Variants in PDE4A observed in about 807,000 individuals in gnomAD.
The protein encoded by PDE4A is phosphodiesterase 4A, also known as 3',5'-cyclic-AMP phosphodiesterase 4A.
Under a neutral mutation model 73.9 loss-of-function variants are expected in PDE4A, and 21 were observed. The observed-to-expected ratio is 0.28, with a 90% confidence interval of 0.20 to 0.41. PDE4A has a LOEUF of 0.41. Ranked by LOEUF, PDE4A falls within the 10% of genes least tolerant of loss-of-function variation. The pLI is 1.00. For synonymous variants in PDE4A, 463 were observed against 505.4 expected (o/e 0.92, Z 1.13); for missense variants, 958 against 1,211.4 (o/e 0.79, Z 3.10).
Position 10,442,153 on chromosome 19 carries a change from AC to A in PDE4A, c.321-4059del, listed in dbSNP as rs199793682. Among the ~76,000 whole-genome samples, 780 of 151,532 alleles carry A rather than the reference AC, an allele frequency of 5.1e-3. 15 individuals carry two copies. Among genetic ancestry groups the A allele is most frequent in the East Asian group, 0.032 (163 of 5,152 alleles). On this transcript the variant is annotated intron_variant, in intron 1 of 14. Transcript: ENST00000380702. ...AAGTGGAGAGGGAGAGAGGATAGGA[AC>A]CCCCCGCTTCCCCTTTCTAGGTCAG...
At chr19:10,448,468 C>G (rs561009215) in intron 2 of PDE4A, among the ~76,000 whole-genome samples, 1 of 151,908 alleles carries the variant, frequency 6.6e-6, no homozygotes, top group Non-Finnish European at 1.5e-5. Flanking sequence ...GAAACCCAGT[C>G]TCTACTAAAA....
chr19:10,466,473 G>GTGTA (rs1421670879), intron 14 of PDE4A, among the ~76,000 whole-genome samples: 1 of 144,310 alleles, frequency 6.9e-6, no homozygotes, highest in Non-Finnish European at 1.5e-5. Flanking sequence ...GTGTGTGTGT[G>GTGTA]TGTAAACTGC....
At chr19:10,454,768 A>C in intron 6 of PDE4A, 61 bp from the exon 7 acceptor site, 1 of 1,609,722 alleles carries the variant, frequency 6.2e-7, no homozygotes, top group Admixed American at 1.7e-5. Context: ...GGAAGGACTG[A>C]CACCCTCCTC....
At chr19:10,435,553 C>G (rs1178841346) in intron 1 of PDE4A, among the ~76,000 whole-genome samples, 1 of 146,572 alleles carries the variant, frequency 6.8e-6, no homozygotes, top group Non-Finnish European at 1.5e-5. Context: ...AGAGCAAGAC[C>G]CTGTATCAAC....
chr19:10,443,604 C>T (rs981362339), intron 1 of PDE4A, among the ~76,000 whole-genome samples: 2 of 150,986 alleles, frequency 1.3e-5, no homozygotes, highest in Non-Finnish European at 2.9e-5. Flanking sequence ...GTCCCACCTA[C>T]TTGGGAGGTG....
Position 10,468,103 on chromosome 19 carries a change from G to A in PDE4A, c.*482G>A, listed in dbSNP as rs898271981. On this transcript the variant is annotated 3_prime_UTR_variant, in exon 15 of 15. Coordinates refer to ENST00000380702, the MANE Select transcript of PDE4A (RefSeq NM_001111307.2). ...CTTCTGGGCTTTTCTTCTGAATTTA[G>A]AGGATTTCTAGAACGTGGTCAGGAA... 1.3e-5 allele frequency: 2 copies of A among 152,842 alleles called. No homozygotes were observed. Among genetic ancestry groups the A allele is most frequent in the African/African-American group, 4.8e-5 (2 of 41,414 alleles). The allele number at this position is 152,842 out of a possible 1,614,324, so 9.5% of individuals were successfully genotyped here. A position where few individuals can be genotyped will look rare whatever the true frequency, so the allele number is the denominator to read the frequency against.
chr19:10,450,734 C>G (rs1320743818), intron 5 of PDE4A, 82 bp downstream of exon 5: 1 of 1,584,608 alleles, frequency 6.3e-7, no homozygotes, highest in Non-Finnish European at 8.6e-7. Context: ...ACCCAGCAGT[C>G]CACTCACCTG....
chr19:10,421,289 G>C, intron 1 of PDE4A: 1 of 985,434 alleles, frequency 1.0e-6, no homozygotes, highest in Non-Finnish European at 1.2e-6. Flanking sequence ...CCCATCCTGG[G>C]GTCCATTTAG....
chr19:10,444,538 G>A (rs901052763), intron 1 of PDE4A, among the ~76,000 whole-genome samples: 2 of 152,036 alleles, frequency 1.3e-5, no homozygotes, highest in Non-Finnish European at 2.9e-5. Context: ...ATTTTAGCTG[G>A]GTTGGTCAGG....
At chr19:10,436,706 G>T (rs2042869434) in intron 1 of PDE4A, among the ~76,000 whole-genome samples, 1 of 152,168 alleles carries the variant, frequency 6.6e-6, no homozygotes, top group Non-Finnish European at 1.5e-5. Context: ...TGCCTGAAAG[G>T]ATCTAACCTG....
At chr19:10,457,189 ACT>A (rs1181441801) in intron 7 of PDE4A, among the ~76,000 whole-genome samples, 3 of 151,956 alleles carry the variant, frequency 2.0e-5, no homozygotes, top group African/African-American at 7.3e-5. Flanking sequence ...ACAGAGCGAG[ACT>A]CTGTCTCAAG....
chr19:10,417,003 G>A (rs1467053341), upstream of PDE4A: 3 of 1,537,544 alleles, frequency 2.0e-6, no homozygotes, highest in East Asian at 2.4e-5. Flanking sequence ...GCGAGAGGAG[G>A]GGCTTGGGCT....
intron 1 of PDE4A, chr19:10,432,609 A>G (rs1386445834): frequency 2.0e-6 from 3 of 1,485,218 alleles, no homozygotes; most frequent in African/African-American, 2.9e-5. Context: ...CTCTTTTAAT[A>G]CTGAAGGGCA....
intron 7 of PDE4A, among the ~76,000 whole-genome samples, chr19:10,456,282 T>C (rs1465431882): frequency 6.6e-6 from 1 of 151,752 alleles, no homozygotes; most frequent in Non-Finnish European, 1.5e-5. Flanking sequence ...AATCCCAGCA[T>C]TTTGGAAGGC....
intron 12 of PDE4A, 50 bp from the exon 13 acceptor site, chr19:10,461,827 A>T: frequency 6.3e-7 from 1 of 1,595,932 alleles, no homozygotes; most frequent in Non-Finnish European, 8.5e-7. Context: ...GGCCCGGGTC[A>T]GTCTGGGGGG....
Position 10,458,422 on chromosome 19 carries a change from G to A in PDE4A, c.1101+320G>A, listed in dbSNP as rs186448667. 2.7e-4 allele frequency among the ~76,000 whole-genome samples: 41 copies of A among 152,278 alleles called. No individual in the cohort carries two copies. The highest frequency in any genetic ancestry group is 9.6e-4 in the African/African-American group (40 of 41,556). On this transcript the variant is annotated intron_variant, in intron 8 of 14. Coordinates refer to ENST00000380702, the MANE Select transcript of PDE4A (RefSeq NM_001111307.2). The surrounding 1 kb of genome is among the most constrained non-coding windows in gnomAD (Gnocchi z 4.6). ...AGGGATTGGTGTACACAGCAGTGAC[G>A]CTAATCCAGACTGTGCCCCCATAGT...
At chr19:10,442,060 T>G (rs1003769014) in intron 1 of PDE4A, among the ~76,000 whole-genome samples, 14 of 152,116 alleles carry the variant, frequency 9.2e-5, no homozygotes, top group Admixed American at 5.2e-4. Flanking sequence ...AAGACAGTTC[T>G]TTCCCCATTG....
chr19:10,418,848 A>T (rs577498156), upstream of PDE4A: 3 of 983,810 alleles, frequency 3.0e-6, no homozygotes, highest in Admixed American at 1.8e-4. Context: ...TGATCTGGGG[A>T]GAACTCACAG....
chr19:10,417,848 C>G, upstream of PDE4A: 1 of 1,558,264 alleles, frequency 6.4e-7, no homozygotes, highest in Non-Finnish European at 8.6e-7. Flanking sequence ...TTTCCATCAC[C>G]AGGGCCGAGA....
Sources: gnomAD v4.1 joint callset for allele counts (sites outside exome capture counted in the v4.1 genomes callset) on GRCh38, gnomAD v4.1.1 for gene constraint, Gnocchi (gnomAD v3.1) non-coding constraint, MANE v1.5 for transcripts, NCBI Gene and HGNC (gene_info 2026-07-23, HGNC 2026-07-21) for gene names.